Variants in COL22A1 observed in about 807,000 individuals in gnomAD.
COL22A1 encodes collagen alpha-1(XXII) chain.
COL22A1 carries 221 observed loss-of-function variants against 248.9 expected under a neutral mutation model. The observed-to-expected ratio is 0.89, with a 90% CI of 0.80 to 0.99. The LOEUF (loss-of-function observed/expected upper bound fraction) is 0.99. Ranked by LOEUF, COL22A1 falls within the 50% of genes least tolerant of loss-of-function variation. The pLI is 0.00. For missense variants in COL22A1, 2,240 were observed against 2,179.0 expected, an observed-to-expected ratio of 1.03 and a Z score of -0.56; for synonymous variants, 891 against 793.4, an observed-to-expected ratio of 1.12 and a Z score of -2.07.
chr8:138,874,675 C>T (rs902576576), intron 3 of COL22A1, among the ~76,000 whole-genome samples: 2 of 152,210 alleles, frequency 1.3e-5, no homozygotes, highest in African/African-American at 4.8e-5. Context: ...CATGTCCATT[C>T]TCTGCCTCTG....
In COL22A1 at chr8:138,684,461, A is replaced by G. The variant is rs1184229348; in HGVS notation, c.2976T>C (p.Arg992=). 2.5e-6 allele frequency: 4 copies of G among 1,610,328 alleles called. No homozygotes were observed. Among genetic ancestry groups the G allele is most frequent in the African/African-American group, 1.3e-5 (1 of 74,840 alleles). The change falls in exon 39 of 65, where the codon CGT becomes CGC. Residue 992 remains arginine (R), a synonymous_variant. Transcript: ENST00000303045. ...GGGGTCCAGGGAGTCCAGGTGATCCACGGAGTCCCTGGAGAAATAAATAAT... is the reference window on the plus strand; with the variant it reads ...GGGGTCCAGGGAGTCCAGGTGATCCGCGGAGTCCCTGGAGAAATAAATAAT... ...GKGKDGEPGL[R]GSPGLPGPLG... is the part of the protein sequence containing the mutation.
chr8:138,826,666 T>G lies in COL22A1; in HGVS notation c.961A>C (p.Ile321Leu). ...YIWQVIDQYS[I>L]PQVSIRLDGE... Reference sequence around the variant, plus strand: ...GCATCTGCTGCCCTTACCTGTGGGATGCTGTACTGGTCGATGACCTGCCAG... The same window carrying G: ...GCATCTGCTGCCCTTACCTGTGGGAGGCTGTACTGGTCGATGACCTGCCAG... Residue 321 changes from isoleucine (I) to leucine (L), a missense_variant, in exon 6 of 65, where the codon ATC becomes CTC. Coordinates refer to ENST00000303045, the MANE Select transcript of COL22A1 (RefSeq NM_152888.3). The G allele has an allele frequency of 6.2e-7, 1 of 1,613,880 alleles. No individual in the cohort carries two copies. The highest frequency in any genetic ancestry group is 8.5e-7 in the Non-Finnish European group (1 of 1,179,896).
At chr8:138,885,016 GCACACA>G (rs10587026) in intron 1 of COL22A1, among the ~76,000 whole-genome samples, 2 of 150,890 alleles carry the variant, frequency 1.3e-5, no homozygotes, top group Non-Finnish European at 1.5e-5. Context: ...GTGTGTGCAC[GCACACA>G]CACACACACA....
At chr8:138,713,171 C>T (rs987161774) in intron 30 of COL22A1, among the ~76,000 whole-genome samples, 2 of 152,058 alleles carry the variant, frequency 1.3e-5, no homozygotes, top group African/African-American at 2.4e-5. Flanking sequence ...CTTCGACTGA[C>T]GAACTACAGT....
intron 63 of COL22A1, among the ~76,000 whole-genome samples, chr8:138,593,215 C>T (rs891866447): frequency 4.0e-5 from 6 of 151,742 alleles, no homozygotes; most frequent in African/African-American, 9.7e-5. Context: ...CAGGGCCTGT[C>T]GGGGGGTGGG....
intron 23 of COL22A1, among the ~76,000 whole-genome samples, chr8:138,736,151 G>C (rs192322379): frequency 3.0e-4 from 46 of 152,048 alleles, no homozygotes; most frequent in African/African-American, 1.1e-3. Context: ...TCAACCTTCA[G>C]GTGTGCCCTC....
intron 59 of COL22A1, 42 bp downstream of exon 59, chr8:138,604,692 G>A: frequency 1.3e-6 from 2 of 1,589,152 alleles, no homozygotes; most frequent in South Asian, 1.1e-5. Context: ...GCCCATTGGT[G>A]GTAAAGGGTT....
At chr8:138,897,496 C>T (rs1814204924) in intron 1 of COL22A1, among the ~76,000 whole-genome samples, 1 of 151,994 alleles carries the variant, frequency 6.6e-6, no homozygotes, top group Non-Finnish European at 1.5e-5. Context: ...TTGCAGTGAG[C>T]CAAGATCATG....
intron 17 of COL22A1, among the ~76,000 whole-genome samples, chr8:138,761,717 T>C (rs1241946024): frequency 6.6e-6 from 1 of 152,186 alleles, no homozygotes; most frequent in Non-Finnish European, 1.5e-5. Flanking sequence ...TTTTATTTCA[T>C]TTTAGTTTTT....
At chr8:138,782,811 C>G (rs925922792) in intron 12 of COL22A1, among the ~76,000 whole-genome samples, 1 of 151,494 alleles carries the variant, frequency 6.6e-6, no homozygotes, top group African/African-American at 2.5e-5. Flanking sequence ...GTGACCCAGG[C>G]CCACGATGAC....
At chr8:138,623,476 C>A (rs762949674) in intron 52 of COL22A1, among the ~76,000 whole-genome samples, 1 of 151,986 alleles carries the variant, frequency 6.6e-6, no homozygotes, top group Non-Finnish European at 1.5e-5. Context: ...GACAGGAGCC[C>A]TGGGCTCAGG....
At chr8:138,673,125 G>A (rs1304414538) in intron 41 of COL22A1, among the ~76,000 whole-genome samples, 1 of 152,158 alleles carries the variant, frequency 6.6e-6, no homozygotes, top group East Asian at 1.9e-4. Flanking sequence ...CTTCCAGGGA[G>A]TCAGTGCTGC....
intron 4 of COL22A1, among the ~76,000 whole-genome samples, chr8:138,835,033 C>T (rs1000695018): frequency 3.3e-5 from 5 of 152,062 alleles, no homozygotes; most frequent in African/African-American, 1.2e-4. Context: ...AGAGCTGGGG[C>T]GACAGGGAAG....
At chr8:138,719,835 A>G (rs1337544386) in intron 27 of COL22A1, among the ~76,000 whole-genome samples, 1 of 152,318 alleles carries the variant, frequency 6.6e-6, no homozygotes, top group East Asian at 1.9e-4. Flanking sequence ...TGGGAGGTGC[A>G]GAGTTGACTA....
At chr8:138,724,807 G>A (rs911032427) in intron 24 of COL22A1, 139 bp from the exon 25 acceptor site, 49 of 743,220 alleles carry the variant, frequency 6.6e-5, no homozygotes, top group African/African-American at 4.4e-4. Context: ...TTGGTCATCC[G>A]CTGTGAAACG....
intron 51 of COL22A1, among the ~76,000 whole-genome samples, chr8:138,625,468 T>C (rs1000746352): frequency 7.9e-5 from 12 of 152,332 alleles, no homozygotes; most frequent in African/African-American, 2.6e-4. Context: ...AGGCAGTGCA[T>C]GGCCTTTGTG....
intron 16 of COL22A1, among the ~76,000 whole-genome samples, chr8:138,763,594 G>A (rs1277141611): frequency 6.6e-6 from 1 of 152,078 alleles, no homozygotes; most frequent in Non-Finnish European, 1.5e-5. Context: ...TGGGCTGCAA[G>A]AACTCCGTGG....
chr8:138,597,736 C>T (rs143083292), intron 61 of COL22A1, among the ~76,000 whole-genome samples: 1 of 152,310 alleles, frequency 6.6e-6, no homozygotes, highest in East Asian at 1.9e-4. Flanking sequence ...TTTCCTTATT[C>T]TTTTATTCTG....
At chr8:138,628,233 C>T (rs982064109) in intron 50 of COL22A1, among the ~76,000 whole-genome samples, 3 of 150,572 alleles carry the variant, frequency 2.0e-5, no homozygotes, top group African/African-American at 7.3e-5. Flanking sequence ...CAAAATACAA[C>T]AGAACTAAGG....
Sources: gnomAD v4.1 joint callset for allele counts (sites outside exome capture counted in the v4.1 genomes callset) on GRCh38, gnomAD v4.1.1 for gene constraint, MANE v1.5 for transcripts, NCBI Gene and HGNC (gene_info 2026-07-23, HGNC 2026-07-21) for gene names.